The following NDUFV3 variants were observed in gnomAD, a reference collection of about 807,000 sequenced individuals.
NDUFV3 encodes NADH:ubiquinone oxidoreductase subunit V3.
Under a neutral mutation model 37.5 loss-of-function variants are expected in NDUFV3, and 44 were observed. The ratio of observed to expected loss-of-function variants is 1.17; its 90% CI spans 0.92 to 1.51. NDUFV3 has a LOEUF of 1.51. Ranked by LOEUF, NDUFV3 falls within the 40% of genes most tolerant of loss-of-function variation. The pLI is 0.00. For missense variants in NDUFV3, 580 were observed against 580.4 expected, an observed-to-expected ratio of 1.00 and a Z score of 0.01; for synonymous variants, 235 against 239.3, an observed-to-expected ratio of 0.98 and a Z score of 0.17.
rs950833278 is a variant in NDUFV3, at chr21:42,909,226, C to G, written c.*205C>G. 2.0e-5 allele frequency: 10 copies of G among 511,718 alleles called. No homozygotes were observed. The highest frequency in any genetic ancestry group is 3.5e-5 in the Non-Finnish European group (10 of 288,534). The allele number at this position is 511,718 out of a possible 1,614,324, so 31.7% of individuals were successfully genotyped here. A position where few individuals can be genotyped will look rare whatever the true frequency, so the allele number is the denominator to read the frequency against. The stretch of plus-strand genomic sequence containing the variant: ...GCACATTCTCGGCTCACTGCAACTT[C>G]CGCCTCCTGGGTTCAAGTGATTCTC... On this transcript the variant is annotated 3_prime_UTR_variant, in exon 4 of 4. Transcript: ENST00000354250.
intron 2 of NDUFV3, 56 bp downstream of exon 2, chr21:42,897,103 G>C: frequency 6.3e-7 from 1 of 1,596,860 alleles, no homozygotes; most frequent in Non-Finnish European, 8.6e-7. Context: ...AAATAGATTA[G>C]TCAGCCTTCG....
chr21:42,895,147 C>T (rs1004353200), intron 1 of NDUFV3, among the ~76,000 whole-genome samples: 2 of 152,092 alleles, frequency 1.3e-5, no homozygotes, highest in African/African-American at 4.8e-5. Context: ...CATTTGAGGT[C>T]AGGCATTCGA....
chr21:42,903,218 C>A lies in NDUFV3; in HGVS notation c.206C>A (p.Ala69Asp), dbSNP rs771662029. 2 of 1,614,166 alleles carry A rather than the reference C, an allele frequency of 1.2e-6. No homozygotes were observed. The highest frequency in any genetic ancestry group is 8.5e-7 in the Non-Finnish European group (1 of 1,180,036). ...CCAAAGGAGAGGGGCAAGCTCCTAG[C>A]CACCCAGACAGCAGCTGAATTGTCT... ...VEPKERGKLL[A>D]TQTAAELSKN... Residue 69 changes from alanine to aspartate, a missense_variant, in exon 3 of 4, where the codon GCC becomes GAC. Physicochemically the swap from Ala to Asp is moderately radical, Grantham distance 126 (BLOSUM62 -2). Coordinates refer to ENST00000354250, the MANE Select transcript of NDUFV3 (RefSeq NM_021075.4).
chr21:42,894,443 A>T (rs12626183), intron 1 of NDUFV3, among the ~76,000 whole-genome samples: 3 of 53,818 alleles, frequency 5.6e-5, no homozygotes, highest in Non-Finnish European at 8.9e-5. Context: ...ATATTATATA[A>T]TATATATAAT....
At position 42,903,546 on chromosome 21, in the gene NDUFV3, G is replaced by A. The variant is rs1257790096; in HGVS notation, c.534G>A (p.Val178=). 1 of 1,614,008 alleles carries A rather than the reference G, an allele frequency of 6.2e-7. No homozygotes were observed. The highest frequency in any genetic ancestry group is 8.5e-7 in the Non-Finnish European group (1 of 1,180,048). Residue 178 remains valine, a synonymous_variant, in exon 3 of 4, where the codon GTG becomes GTA. Transcript: ENST00000354250. The part of the protein sequence containing the change: ...ADVSEVTPRV[V]SKGRGGLRKP... The stretch of plus-strand genomic sequence containing the variant: ...TTTCAGAGGTCACTCCTCGAGTGGT[G>A]AGCAAAGGCAGAGGGGGGCTTCGAA...
chr21:42,900,561 T>C (rs2839602), intron 2 of NDUFV3, among the ~76,000 whole-genome samples: 98,155 of 152,136 alleles, frequency 0.65, 33,362 homozygotes, highest in African/African-American at 0.85. Context: ...TGTAAATGGA[T>C]ACGTGCAGGC....
intron 3 of NDUFV3, among the ~76,000 whole-genome samples, chr21:42,904,832 C>G (rs2058734660): frequency 6.7e-6 from 1 of 150,120 alleles, no homozygotes; most frequent in South Asian, 2.1e-4. Flanking sequence ...TGCTCCATCT[C>G]CAGGCTGGAG....
intron 3 of NDUFV3, among the ~76,000 whole-genome samples, chr21:42,904,833 C>T (rs1053557917): frequency 6.6e-6 from 1 of 151,026 alleles, no homozygotes; most frequent in East Asian, 2.0e-4. Context: ...GCTCCATCTC[C>T]AGGCTGGAGT....
chr21:42,909,111 T>C lies in NDUFV3; in HGVS notation c.*90T>C. 9.4e-7 allele frequency: 1 copy of C among 1,066,032 alleles called. No individual in the cohort carries two copies. Among genetic ancestry groups the C allele is most frequent in the Middle Eastern group, 2.4e-4 (1 of 4,156 alleles). The allele number at this position is 1,066,032 out of a possible 1,614,324, so 66.0% of individuals were successfully genotyped here. A position where few individuals can be genotyped will look rare whatever the true frequency, so the allele number is the denominator to read the frequency against. ...TCCACTCAAGAGTCACAAGGCCCGCTGTGCATAATCGGTTTCACTTTTACC... is the reference window on the plus strand; with the variant it reads ...TCCACTCAAGAGTCACAAGGCCCGCCGTGCATAATCGGTTTCACTTTTACC... On this transcript the variant is annotated 3_prime_UTR_variant, in exon 4 of 4. Transcript: ENST00000354250.
chr21:42,896,844 A>AAT (rs968798894), intron 1 of NDUFV3, 83 bp from the exon 2 acceptor site: 442 of 1,322,320 alleles, frequency 3.3e-4, no homozygotes, highest in South Asian at 9.8e-4. Context: ...TGACTCAAAA[A>AAT]ATATATATAT....
intron 2 of NDUFV3, among the ~76,000 whole-genome samples, chr21:42,901,393 G>A (rs1428989078): frequency 4.6e-5 from 7 of 151,816 alleles, no homozygotes. Context: ...AGTGAGCCAA[G>A]ATCACGCCAT....
chr21:42,896,804 A>T, intron 1 of NDUFV3, 123 bp from the exon 2 acceptor site: 6 of 972,464 alleles, frequency 6.2e-6, no homozygotes, highest in Non-Finnish European at 6.0e-6. Flanking sequence ...GTGCCACTGC[A>T]CTCCAGCCTG....
Position 42,904,231 on chromosome 21 carries a change from A to G in NDUFV3, c.1219A>G (p.Met407Val). The change falls in exon 3 of 4, where the codon ATG (methionine) becomes GTG (valine). Residue 407 changes from methionine to valine, a missense_variant. Met to Val is a conservative substitution (Grantham distance 21). Coordinates refer to ENST00000354250, the MANE Select transcript of NDUFV3 (RefSeq NM_021075.4). ...ALKLEAEGEA[M>V]EDAAAPGDDR... ...GAAGCTTGAGGCCGAGGGCGAGGCC[A>G]TGGAAGATGCAGCCGCGCCAGGGGA... is the stretch of plus-strand genomic sequence containing the variant. 3 of 1,612,876 alleles carry G rather than the reference A, an allele frequency of 1.9e-6. No homozygotes were observed. The highest frequency in any genetic ancestry group is 2.5e-6 in the Non-Finnish European group (3 of 1,179,404).
intron 2 of NDUFV3, among the ~76,000 whole-genome samples, chr21:42,900,750 T>C (rs529306043): frequency 6.6e-6 from 1 of 152,296 alleles, no homozygotes; most frequent in Non-Finnish European, 1.5e-5. Context: ...GAGTCACATC[T>C]CTAGTCAGAG....
At chr21:42,896,614 G>A (rs79356770) in intron 1 of NDUFV3, among the ~76,000 whole-genome samples, 8,534 of 152,022 alleles carry the variant, frequency 0.056, 350 homozygotes, top group Non-Finnish European at 0.088. Context: ...CTTCAGGATC[G>A]CTTGAGGCCA....
intron 2 of NDUFV3, among the ~76,000 whole-genome samples, chr21:42,898,182 A>G (rs1277048413): frequency 6.6e-6 from 1 of 152,218 alleles, no homozygotes; most frequent in Admixed American, 6.5e-5. Context: ...TGCCTCTCAC[A>G]GTGTGTGGAC....
chr21:42,901,882 C>T (rs1203114530), intron 2 of NDUFV3, among the ~76,000 whole-genome samples: 1 of 152,186 alleles, frequency 6.6e-6, no homozygotes, highest in East Asian at 1.9e-4. Flanking sequence ...GTGCTGTCTT[C>T]CTTCTGAAAA....
At chr21:42,906,695 T>C in intron 3 of NDUFV3, 2 of 322,744 alleles carry the variant, frequency 6.2e-6, no homozygotes, top group South Asian at 5.0e-5. Context: ...GCCGTGTCTG[T>C]ATGGGGCCGC....
chr21:42,903,912 T>C lies in NDUFV3; in HGVS notation c.900T>C (p.Ser300=). The C allele has an allele frequency of 1.9e-6, 3 of 1,611,672 alleles. No homozygotes were observed. Among genetic ancestry groups the C allele is most frequent in the East Asian group, 2.2e-5 (1 of 44,874 alleles). ...CTGTCCACACAAAATCAGGGTTGTCTGCGCCACCGAAGGGCAGCCCAGCGC... is the reference window on the plus strand; with the variant it reads ...CTGTCCACACAAAATCAGGGTTGTCCGCGCCACCGAAGGGCAGCCCAGCGC... The part of the protein sequence containing the change: ...PLPVHTKSGL[S]APPKGSPAPA... The change falls in exon 3 of 4, where the codon TCT becomes TCC. Residue 300 remains serine, a synonymous_variant. Coordinates refer to ENST00000354250, the MANE Select transcript of NDUFV3 (RefSeq NM_021075.4).
Sources: gnomAD v4.1 joint callset for allele counts (sites outside exome capture counted in the v4.1 genomes callset) on GRCh38, gnomAD v4.1.1 for gene constraint, MANE v1.5 for transcripts, NCBI Gene and HGNC (gene_info 2026-07-23, HGNC 2026-07-21) for gene names.